Variants in RYR2 observed in about 807,000 individuals in gnomAD.
RYR2 encodes the protein ryanodine receptor 2.
Under a neutral mutation model 601.1 loss-of-function variants are expected in RYR2, and 227 were observed. That is an observed-to-expected ratio of 0.38 (90% CI 0.34 to 0.42). The LOEUF is 0.42. RYR2 is among the 10% of genes least tolerant of loss of function. The pLI, the probability that RYR2 is intolerant of heterozygous loss-of-function variation, is 1.00. For synonymous variants in RYR2, 2,223 were observed against 2,175.1 expected, an observed-to-expected ratio of 1.02 and a Z score of -0.61; for missense variants, 4,646 against 6,156.5, an observed-to-expected ratio of 0.75 and a Z score of 8.21.
At chr1:237,444,309 C>T (rs74147267) in intron 13 of RYR2, among the ~76,000 whole-genome samples, 8 of 151,884 alleles carry the variant, frequency 5.3e-5, no homozygotes, top group Admixed American at 2.6e-4. Flanking sequence ...ACATGAAAAC[C>T]GCAAGTTCTT....
intron 70 of RYR2, among the ~76,000 whole-genome samples, chr1:237,710,795 G>T (rs77964219): frequency 0.023 from 3,435 of 152,012 alleles, 145 homozygotes; most frequent in African/African-American, 0.078. Context: ...TTGCACAGCT[G>T]CATCCCAGCC....
chr1:237,758,410 A>G (rs1402073292), intron 82 of RYR2, among the ~76,000 whole-genome samples: 2 of 151,946 alleles, frequency 1.3e-5, no homozygotes, highest in Non-Finnish European at 2.9e-5. Flanking sequence ...AAAAACAATG[A>G]TTGTTTCATT....
At chr1:237,415,495 A>G (rs1222176284) in intron 10 of RYR2, among the ~76,000 whole-genome samples, 2 of 152,184 alleles carry the variant, frequency 1.3e-5, no homozygotes, top group African/African-American at 4.8e-5. Context: ...AGAAACACCA[A>G]TTTGTGAAAT....
At chr1:237,499,566 C>T (rs75131951) in intron 20 of RYR2, among the ~76,000 whole-genome samples, 1,670 of 152,054 alleles carry the variant, frequency 0.011, 31 homozygotes, top group African/African-American at 0.036. Flanking sequence ...TTTTATATGA[C>T]TTTTTTAAAA....
At chr1:237,068,749 C>T (rs923485792) in intron 1 of RYR2, among the ~76,000 whole-genome samples, 1 of 152,100 alleles carries the variant, frequency 6.6e-6, no homozygotes, top group African/African-American at 2.4e-5. Context: ...TTTATTTTTA[C>T]TTTGAGCTTT....
intron 1 of RYR2, among the ~76,000 whole-genome samples, chr1:237,207,060 G>A (rs1298855144): frequency 1.3e-5 from 2 of 151,758 alleles, no homozygotes; most frequent in South Asian, 2.1e-4. Context: ...TTTCATGCCC[G>A]TAATCCCAGC....
At chr1:237,171,017 G>A (rs1024528101) in intron 1 of RYR2, among the ~76,000 whole-genome samples, 3 of 152,058 alleles carry the variant, frequency 2.0e-5, no homozygotes, top group African/African-American at 7.2e-5. Flanking sequence ...TTCTCCCCAT[G>A]AGGTCGGGAG....
At chr1:237,443,048 C>G (rs1472964909) in intron 13 of RYR2, among the ~76,000 whole-genome samples, 1 of 152,140 alleles carries the variant, frequency 6.6e-6, no homozygotes, top group African/African-American at 2.4e-5. Flanking sequence ...TGGTTTCTTT[C>G]TCAGGAACAT....
intron 1 of RYR2, among the ~76,000 whole-genome samples, chr1:237,130,531 G>A (rs943790247): frequency 6.6e-6 from 1 of 152,028 alleles, no homozygotes; most frequent in Admixed American, 6.6e-5. Context: ...GACCATCATG[G>A]CATAACCCCA....
chr1:237,498,150 G>A (rs1664268249), intron 20 of RYR2, among the ~76,000 whole-genome samples: 1 of 152,088 alleles, frequency 6.6e-6, no homozygotes, highest in South Asian at 2.1e-4. Context: ...ACAAGTGTGA[G>A]CCACCGTACC....
intron 29 of RYR2, among the ~76,000 whole-genome samples, chr1:237,583,182 TG>T (rs1189355347): frequency 2.0e-5 from 3 of 152,088 alleles, no homozygotes; most frequent in African/African-American, 7.2e-5. Flanking sequence ...TGATTAGCAA[TG>T]GGAACATTTT....
At chr1:237,256,713 A>T (rs942541548) in intron 1 of RYR2, among the ~76,000 whole-genome samples, 1 of 152,200 alleles carries the variant, frequency 6.6e-6, no homozygotes, top group Admixed American at 6.5e-5. Context: ...TAATACATTC[A>T]TTCTTCCTAA....
chr1:237,499,588 T>C (rs1224156821), intron 20 of RYR2, among the ~76,000 whole-genome samples: 2 of 152,160 alleles, frequency 1.3e-5, no homozygotes, highest in Non-Finnish European at 1.5e-5. Flanking sequence ...GCTGCCTTTA[T>C]TATATTCAGG....
chr1:237,714,978 C>T (rs981665670), intron 71 of RYR2, among the ~76,000 whole-genome samples: 25 of 107,900 alleles, frequency 2.3e-4, no homozygotes, highest in Non-Finnish European at 3.7e-4. Flanking sequence ...GGTGACAGAG[C>T]GAGACTCCAT....
chr1:237,768,807 G>C (rs1694047286), intron 84 of RYR2, among the ~76,000 whole-genome samples: 1 of 152,102 alleles, frequency 6.6e-6, no homozygotes, highest in South Asian at 2.1e-4. Flanking sequence ...CAGTACCCCA[G>C]CTTATACCTG....
At chr1:237,790,290 A>T (rs1430464891) in intron 92 of RYR2, among the ~76,000 whole-genome samples, 8 of 152,006 alleles carry the variant, frequency 5.3e-5, no homozygotes, top group Non-Finnish European at 1.0e-4. Flanking sequence ...CTTAAATACA[A>T]CCCAACGATA....
intron 10 of RYR2, among the ~76,000 whole-genome samples, chr1:237,390,309 G>C (rs1052583156): frequency 1.3e-5 from 2 of 152,136 alleles, no homozygotes; most frequent in Admixed American, 6.6e-5. Context: ...TCTAGAACCA[G>C]ACAGATCTGG....
chr1:237,566,839 C>T, intron 28 of RYR2, 64 bp downstream of exon 28: 1 of 1,520,616 alleles, frequency 6.6e-7, no homozygotes, highest in South Asian at 1.1e-5. Context: ...CTCTGCTGTT[C>T]CTCTTGGTAG....
chr1:237,364,403 A>C (rs1214790510), intron 5 of RYR2, 31 bp downstream of exon 5: 1 of 1,300,652 alleles, frequency 7.7e-7, no homozygotes, highest in Non-Finnish European at 1.1e-6. Context: ...TGCTATGTAT[A>C]TATATAGCAG....
Sources: gnomAD v4.1 joint callset for allele counts (sites outside exome capture counted in the v4.1 genomes callset) on GRCh38, gnomAD v4.1.1 for gene constraint, MANE v1.5 for transcripts, NCBI Gene and HGNC (gene_info 2026-07-23, HGNC 2026-07-21) for gene names.